The following ZNF37A variants were observed in gnomAD, a reference collection of about 807,000 sequenced individuals.
ZNF37A encodes zinc finger protein 37A, also known as zinc finger protein 37a (KOX 21).
A neutral mutation model predicts 12.3 loss-of-function variants in ZNF37A; 10 were observed. The observed-to-expected ratio is 0.82, with a 90% confidence interval of 0.50 to 1.38. ZNF37A has a LOEUF of 1.38. ZNF37A is among the 40% of genes most tolerant of loss of function. ZNF37A has a pLI of 0.00. For synonymous variants in ZNF37A, 207 were observed against 223.0 expected, an observed-to-expected ratio of 0.93 and a Z score of 0.64; for missense variants, 580 against 651.2, an observed-to-expected ratio of 0.89 and a Z score of 1.19.
intron 7 of ZNF37A, among the ~76,000 whole-genome samples, chr10:38,135,038 C>T (rs1163225392): frequency 6.6e-6 from 1 of 152,170 alleles, no homozygotes; most frequent in Non-Finnish European, 1.5e-5. Context: ...TTACATCTAG[C>T]ATCCTAAAGT....
In ZNF37A at chr10:38,117,528, G is replaced by C; in HGVS notation, c.377G>C (p.Ser126Thr). The C allele has an allele frequency of 3.7e-6, 6 of 1,613,620 alleles. No homozygotes were observed. The highest frequency in any genetic ancestry group is 5.1e-6 in the Non-Finnish European group (6 of 1,179,868). ...TCTGAATATAATAAAAATGGGAACA[G>C]CTTCTGGCTGAATGAAGACCTCATT... is the stretch of plus-strand genomic sequence containing the variant. ...EPSEYNKNGN[S>T]FWLNEDLIWH... The change falls in exon 8 of 8, where the codon AGC (serine) becomes ACC (threonine). Residue 126 changes from serine to threonine, a missense_variant. By Grantham distance (58) the Ser-to-Thr change is moderately conservative. Transcript: ENST00000685332.
rs181467165 is a variant in ZNF37A at position 38,100,929 on chromosome 10, C to A, written c.15+4297C>A. ...AACTAATAAATGTCCGTGAAATCTT[C>A]ACAATCTACGTTCTTCTGCCTTGGC... On this transcript the variant is annotated intron_variant, in intron 5 of 7. Transcript: ENST00000685332. 5.6e-3 allele frequency among the ~76,000 whole-genome samples: 851 copies of A among 152,268 alleles called. 8 individuals carry two copies. Among genetic ancestry groups the A allele is most frequent in the African/African-American group, 0.019 (779 of 41,552 alleles).
Position 38,114,763 on chromosome 10 carries a change from G to A in ZNF37A, c.24G>A (p.Val8=). 1.2e-6 allele frequency: 2 copies of A among 1,614,038 alleles called. No homozygotes were observed. The highest frequency in any genetic ancestry group is 8.5e-7 in the Non-Finnish European group (1 of 1,179,996). ...AAATTGTGATTTTCCAGGGATCAGT[G>A]TCGTTTAGGGATGTGACTGTGGGCT... MITSQGS[V]SFRDVTVGFT... The change falls in exon 6 of 8, where the codon GTG becomes GTA. Residue 8 remains valine, a synonymous_variant. Transcript: ENST00000685332.
At chr10:38,148,123 C>G (rs2070277526) in exon 8 of ZNF37A, 2 of 152,034 alleles carry the variant, frequency 1.3e-5, no homozygotes, top group African/African-American at 2.4e-5. Flanking sequence ...CACCCTGCCC[C>G]CAGCTCCTAT....
intron 5 of ZNF37A, among the ~76,000 whole-genome samples, chr10:38,109,358 T>C (rs2135953965): frequency 6.6e-6 from 1 of 152,234 alleles, no homozygotes; most frequent in Non-Finnish European, 1.5e-5. Flanking sequence ...ATAAGAGCTA[T>C]TTATGACAAA....
chr10:38,140,176 C>G (rs2070163656), intron 7 of ZNF37A: 1 of 152,210 alleles, frequency 6.6e-6, no homozygotes, highest in South Asian at 2.1e-4. Context: ...AAACACTGAT[C>G]TTTATTCTTT....
At chr10:38,095,327 G>T (rs556299123) in intron 2 of ZNF37A, 103 bp downstream of exon 2, 1 of 152,350 alleles carries the variant, frequency 6.6e-6, no homozygotes, top group East Asian at 1.9e-4. Flanking sequence ...ACGGGTGGGA[G>T]GAGCAGAGGC....
intron 7 of ZNF37A, chr10:38,115,577 C>T (rs2069205543): frequency 4.9e-6 from 1 of 202,790 alleles, no homozygotes; most frequent in Non-Finnish European, 9.8e-6. Flanking sequence ...CACTCATGTA[C>T]CCATCATTGA....
intron 2 of ZNF37A, 124 bp from the exon 3 acceptor site, chr10:38,095,414 G>A (rs1393698834): frequency 1.3e-5 from 2 of 152,440 alleles, no homozygotes; most frequent in East Asian, 3.9e-4. Flanking sequence ...AAGAGGGCAA[G>A]GCCGAAGGAG....
Position 38,119,040 on chromosome 10 carries a change from GA to G in ZNF37A, c.*209del. On this transcript the variant is annotated 3_prime_UTR_variant, in exon 8 of 8. Coordinates refer to ENST00000685332, the MANE Select transcript of ZNF37A (RefSeq NM_001324250.3). ...ACACTATGTTACAAAACTAAAAGTG[GA>G]AAAAACTTATTGGTGAATGAATATA... 1 of 1,258,650 alleles carries G rather than the reference GA, an allele frequency of 7.9e-7. No homozygotes were observed. The highest frequency in any genetic ancestry group is 1.0e-6 in the Non-Finnish European group (1 of 1,001,734). The allele number at this position is 1,258,650 out of a possible 1,614,324, so 78.0% of individuals were successfully genotyped here. A position where few individuals can be genotyped will look rare whatever the true frequency, so the allele number is the denominator to read the frequency against.
chr10:38,120,733 C>G lies in ZNF37A; in HGVS notation c.*1896C>G, dbSNP rs71491238. On this transcript the variant is annotated 3_prime_UTR_variant, in exon 8 of 8. Transcript: ENST00000685332. Reference sequence around the variant, plus strand: ...GGAAGGCATGGGGGGGACCAGAAACCAGAAGAACAATCAAGACTGCAATGA... The same window carrying G: ...GGAAGGCATGGGGGGGACCAGAAACGAGAAGAACAATCAAGACTGCAATGA... 4,419 of 152,114 alleles carry G rather than the reference C, an allele frequency of 0.029. 120 individuals carry two copies. Among genetic ancestry groups the G allele is most frequent in the African/African-American group, 0.077 (3,207 of 41,420 alleles). The allele number at this position is 152,114 out of a possible 1,614,324, so 9.4% of individuals were successfully genotyped here. A position where few individuals can be genotyped will look rare whatever the true frequency, so the allele number is the denominator to read the frequency against.
Position 38,133,388 on chromosome 10 carries a change from C to A in ZNF37A, c.239-13344C>A, listed in dbSNP as rs2208034. Reference sequence around the variant, plus strand: ...CATGCAGGTTTGTTACATATGTATACATGTGCCATGTTGGTGTGCTGCACC... The same window carrying A: ...CATGCAGGTTTGTTACATATGTATAAATGTGCCATGTTGGTGTGCTGCACC... On this transcript the variant is annotated intron_variant, in intron 7 of 7. Transcript: ENST00000638053. Among the ~76,000 whole-genome samples, 1,438 of 152,142 alleles carry A rather than the reference C, an allele frequency of 9.5e-3. 23 individuals are homozygous for A. The highest frequency in any genetic ancestry group is 0.032 in the African/African-American group (1,341 of 41,500).
At chr10:38,100,215 G>A (rs2067450159) in intron 5 of ZNF37A, among the ~76,000 whole-genome samples, 1 of 152,188 alleles carries the variant, frequency 6.6e-6, no homozygotes, top group South Asian at 2.1e-4. Context: ...GCAAGTGGAG[G>A]CAGCGTGAGA....
In ZNF37A at chr10:38,117,870, A is replaced by T; in HGVS notation, c.719A>T (p.Asn240Ile). ...LTPIQRTHSI[N>I]NIIEYNECGT... ...CCAATTCAGAGAACCCACTCAATTA[A>T]CAATATTATTGAATATAATGAGTGT... Residue 240 changes from asparagine to isoleucine, a missense_variant, in exon 8 of 8, where the codon AAC (asparagine) becomes ATC (isoleucine). Coordinates refer to ENST00000685332, the MANE Select transcript of ZNF37A (RefSeq NM_001324250.3). 2 of 1,614,052 alleles carry T rather than the reference A, an allele frequency of 1.2e-6. No homozygotes were observed. Among genetic ancestry groups the T allele is most frequent in the Non-Finnish European group, 1.7e-6 (2 of 1,179,996 alleles).
At position 38,099,297 on chromosome 10, in the gene ZNF37A, G is replaced by T. The variant is rs189823590; in HGVS notation, c.15+2665G>T. Among the ~76,000 whole-genome samples, 7 of 151,904 alleles carry T rather than the reference G, an allele frequency of 4.6e-5. No individual in the cohort carries two copies. In the East Asian group the frequency reaches 7.8e-4, roughly 17 times the overall value. On this transcript the variant is annotated intron_variant, in intron 5 of 7. Transcript: ENST00000685332. ...AACTCCCCATTTTCCCTTCCTCCTT[G>T]CCCCTGGCAACCACCATCCTACTTT...
chr10:38,120,255 C>G lies in ZNF37A; in HGVS notation c.*1418C>G, dbSNP rs1468150941. ...ACCAGCCTGGCCAACATGATGAAACCCTGTCTCTACTAAAAATACAAAAAT... is the reference window on the plus strand; with the variant it reads ...ACCAGCCTGGCCAACATGATGAAACGCTGTCTCTACTAAAAATACAAAAAT... On this transcript the variant is annotated 3_prime_UTR_variant, in exon 8 of 8. Coordinates refer to ENST00000685332, the MANE Select transcript of ZNF37A (RefSeq NM_001324250.3). The G allele has an allele frequency of 6.6e-6, 1 of 151,930 alleles. No individual in the cohort carries two copies. The highest frequency in any genetic ancestry group is 1.5e-5 in the Non-Finnish European group (1 of 68,030). The allele number at this position is 151,930 out of a possible 1,614,324, so 9.4% of individuals were successfully genotyped here.
rs528040533 is a variant in ZNF37A, at chr10:38,123,306, A to G, written c.*4469A>G. On this transcript the variant is annotated 3_prime_UTR_variant, in exon 8 of 8. Transcript: ENST00000685332. ...ATACACCTACTTTGTACCCACAAAA[A>G]TTTAAAAATAAAGTTAATTTCAATG... is the stretch of plus-strand genomic sequence containing the variant. The G allele has an allele frequency of 6.6e-6, 1 of 151,970 alleles. No homozygotes were observed. Among genetic ancestry groups the G allele is most frequent in the South Asian group, 2.1e-4 (1 of 4,832 alleles). The allele number at this position is 151,970 out of a possible 1,614,324, so 9.4% of individuals were successfully genotyped here. A position where few individuals can be genotyped will look rare whatever the true frequency, so the allele number is the denominator to read the frequency against.
At chr10:38,148,278 A>G (rs2070279186) in exon 8 of ZNF37A, 1 of 152,276 alleles carries the variant, frequency 6.6e-6, no homozygotes, top group Admixed American at 6.5e-5. Flanking sequence ...ACTTTGTCAC[A>G]TGAGTGGGTG....
Position 38,108,248 on chromosome 10 carries a change from C to T in ZNF37A, c.16-6507C>T, listed in dbSNP as rs1265005672. On this transcript the variant is annotated intron_variant, in intron 5 of 7. Coordinates refer to ENST00000685332, the MANE Select transcript of ZNF37A (RefSeq NM_001324250.3). ...AACTGAACAACCTGCTCCTGAATGG[C>T]TACTGGGTAAATAATGAAATTAAGG... 2.0e-5 allele frequency among the ~76,000 whole-genome samples: 3 copies of T among 152,278 alleles called. No individual in the cohort carries two copies. The East Asian group carries it at 5.8e-4, about 29-fold the overall frequency.
Sources: gnomAD v4.1 joint callset for allele counts (sites outside exome capture counted in the v4.1 genomes callset) on GRCh38, gnomAD v4.1.1 for gene constraint, MANE v1.5 for transcripts, NCBI Gene and HGNC (gene_info 2026-07-23, HGNC 2026-07-21) for gene names.